PRRC2A: variants seen among roughly 807,000 people sequenced by gnomAD.
PRRC2A encodes protein PRRC2A.
A neutral mutation model predicts 224.6 loss-of-function variants in PRRC2A; 59 were observed. The observed-to-expected ratio is 0.26, with a 90% CI of 0.21 to 0.33. The LOEUF (loss-of-function observed/expected upper bound fraction) is 0.33, where lower values mean the gene tolerates loss of function less well. PRRC2A is among the 10% of genes least tolerant of loss of function. The pLI is 1.00. For missense variants in PRRC2A, 3,095 were observed against 2,880.7 expected, an observed-to-expected ratio of 1.07 and a Z score of -1.70; for synonymous variants, 1,194 against 1,109.5, an observed-to-expected ratio of 1.08 and a Z score of -1.51.
At position 31,630,509 on chromosome 6, in the gene PRRC2A, T is replaced by C; in HGVS notation, c.2255-82T>C. 2.8e-6 allele frequency: 4 copies of C among 1,449,704 alleles called. No individual in the cohort carries two copies. In the South Asian group the frequency reaches 3.7e-5, roughly 13 times the overall value. The allele number at this position is 1,449,704 out of a possible 1,614,324, so 89.8% of individuals were successfully genotyped here. A position where few individuals can be genotyped will look rare whatever the true frequency, so the allele number is the denominator to read the frequency against. ...GGAACAAGAGATGGAAGAGCTGACTTGACCGCGAGGGGAGATGCTTTTTGG... is the reference window on the plus strand; with the variant it reads ...GGAACAAGAGATGGAAGAGCTGACTCGACCGCGAGGGGAGATGCTTTTTGG... On this transcript the variant is annotated intron_variant, in intron 14 of 30. Transcript: ENST00000376033.
chr6:31,635,644 A>G lies in PRRC2A; in HGVS notation c.5436A>G (p.Gln1812=), dbSNP rs752957978. The G allele has an allele frequency of 3.7e-6, 6 of 1,612,670 alleles. No homozygotes were observed. Among genetic ancestry groups the G allele is most frequent in the African/African-American group, 2.7e-5 (2 of 74,888 alleles). The change falls in exon 24 of 31, where the codon CAA becomes CAG. Residue 1812 remains glutamine, a synonymous_variant. Transcript: ENST00000376033. ...GTGCTGCTGCCTCTGCTGAGCCACA[A>G]TCCAAGAACCTGGATTCTGGGCACT... The part of the protein sequence containing the change: ...LPSAAASAEP[Q]SKNLDSGHCV...
At chr6:31,634,122 C>A in intron 18 of PRRC2A, 114 bp from the exon 19 acceptor site, 1 of 1,563,504 alleles carries the variant, frequency 6.4e-7, no homozygotes, top group South Asian at 1.2e-5. Context: ...ATTAGTCTCC[C>A]ATGTGTCTCC....
chr6:31,631,355 G>C lies in PRRC2A; in HGVS notation c.2682G>C (p.Thr894=). ...EPPKEETAQL[T]GPEAGRKPAR... ...CTAAGGAGGAGACTGCACAGCTGAC[G>C]GGGCCAGAAGCAGGCCGAAAGCCTG... The change falls in exon 16 of 31, where the codon ACG becomes ACC. Residue 894 remains threonine, a synonymous_variant. Transcript: ENST00000376033. The surrounding 1 kb of genome is among the most constrained non-coding windows in gnomAD (Gnocchi z 4.5). The C allele has an allele frequency of 6.2e-7, 1 of 1,602,086 alleles. No homozygotes were observed. The highest frequency in any genetic ancestry group is 8.5e-7 in the Non-Finnish European group (1 of 1,175,662).
chr6:31,631,590 G>C lies in PRRC2A; in HGVS notation c.2917G>C (p.Asp973His). The change falls in exon 16 of 31, where the codon GAT becomes CAT. Residue 973 changes from aspartate to histidine, a missense_variant. Asp to His is a moderately conservative substitution (Grantham distance 81). Transcript: ENST00000376033. The surrounding 1 kb of genome is among the most constrained non-coding windows in gnomAD (Gnocchi z 4.5). ...GCCTCCCAAGCCCCTCGAACAGGGG[G>C]ATGAAACCCCCAAACCCCCAAAGCC... is the stretch of plus-strand genomic sequence containing the variant. ...ELPPKPLEQG[D>H]ETPKPPKPDP... 1.3e-6 allele frequency: 2 copies of C among 1,560,472 alleles called. No individual in the cohort carries two copies. Among genetic ancestry groups the C allele is most frequent in the Non-Finnish European group, 1.7e-6 (2 of 1,158,202 alleles).
Position 31,631,567 on chromosome 6 carries a change from C to T in PRRC2A, c.2894C>T (p.Pro965Leu), listed in dbSNP as rs886360628. ...PPPPTKVEEL[P>L]PKPLEQGDET... ...CCACCTACAAAAGTAGAAGAGCTGC[C>T]TCCCAAGCCCCTCGAACAGGGGGAT... is the stretch of plus-strand genomic sequence containing the variant. Residue 965 changes from proline (P) to leucine (L), a missense_variant, in exon 16 of 31, where the codon CCT (proline) becomes CTT (leucine). Pro to Leu is a moderately conservative substitution (Grantham distance 98, BLOSUM62 -3). This residue lies in a region of PRRC2A where 2,001 missense variants were observed against 1,764.9 expected (regional missense o/e 1.13). Transcript: ENST00000376033. The surrounding 1 kb of genome is among the most constrained non-coding windows in gnomAD (Gnocchi z 4.5). 3.8e-6 allele frequency: 6 copies of T among 1,586,876 alleles called. No homozygotes were observed. Among genetic ancestry groups the T allele is most frequent in the Non-Finnish European group, 3.4e-6 (4 of 1,170,406 alleles).
In PRRC2A at chr6:31,620,812, CG is replaced by C; in HGVS notation, c.-143del. On this transcript the variant is annotated 5_prime_UTR_variant, in exon 1 of 31. Coordinates refer to ENST00000376033, the MANE Select transcript of PRRC2A (RefSeq NM_004638.4). ...CCCCCGCCCCACCGCCATCCCGTCC[CG>C]GGGAGCCCCTAGGCCCGGGTCCCGG... 6.5e-6 allele frequency: 1 copy of C among 153,236 alleles called. No homozygotes were observed. Among genetic ancestry groups the C allele is most frequent in the Non-Finnish European group, 1.5e-5 (1 of 68,156 alleles). The allele number at this position is 153,236 out of a possible 1,614,324, so 9.5% of individuals were successfully genotyped here.
In PRRC2A at chr6:31,627,377, A is replaced by G. The variant is rs1241474231; in HGVS notation, c.1290+179A>G. On this transcript the variant is annotated intron_variant, in intron 11 of 30. Coordinates refer to ENST00000376033, the MANE Select transcript of PRRC2A (RefSeq NM_004638.4). The surrounding 1 kb of genome is among the most constrained non-coding windows in gnomAD (Gnocchi z 5.6). The stretch of plus-strand genomic sequence containing the variant: ...TCTTTGGTAATAGGGGAGTCTGGGT[A>G]AGAAGTGAGAAACTGGGATGCTAAT... 6.6e-6 allele frequency among the ~76,000 whole-genome samples: 1 copy of G among 152,214 alleles called. No individual in the cohort carries two copies. The highest frequency in any genetic ancestry group is 1.5e-5 in the Non-Finnish European group (1 of 68,034).
chr6:31,630,000 C>A (rs947754747), intron 14 of PRRC2A, among the ~76,000 whole-genome samples, 155 bp downstream of exon 14: 1 of 152,094 alleles, frequency 6.6e-6, no homozygotes, highest in Non-Finnish European at 1.5e-5. Context: ...AGCTCTGTTG[C>A]AAAAATGGGC....
Position 31,626,101 on chromosome 6 carries a change from C to T in PRRC2A, c.921C>T (p.Leu307=), listed in dbSNP as rs754656463. Residue 307 remains leucine (L), a synonymous_variant, in exon 9 of 31, where the codon CTC becomes CTT. Coordinates refer to ENST00000376033, the MANE Select transcript of PRRC2A (RefSeq NM_004638.4). ...AGCCTGTGGGTCGTCCCTCTATTCT[C>T]AAAGAGGATAATCTCAAAGAGTTTG... The part of the protein sequence containing the change: ...LVEPVGRPSI[L]KEDNLKEFDQ... 6.2e-7 allele frequency: 1 copy of T among 1,612,650 alleles called. No individual in the cohort carries two copies.
chr6:31,633,410 C>A lies in PRRC2A; in HGVS notation c.4351C>A (p.Pro1451Thr). 2 of 1,613,012 alleles carry A rather than the reference C, an allele frequency of 1.2e-6. No homozygotes were observed. The highest frequency in any genetic ancestry group is 1.6e-4 in the Middle Eastern group (1 of 6,062). ...RPPEERPPGL[P>T]LPPPPPSSSA... ...TCCAGAGGAGCGTCCCCCGGGGCTT[C>A]CCCTGCCTCCCCCACCTCCCAGCAG... is the stretch of plus-strand genomic sequence containing the variant. The change falls in exon 17 of 31, where the codon CCC (proline) becomes ACC (threonine). Residue 1451 changes from proline to threonine, a missense_variant. Around this residue, in one of 8 missense-constraint regions of PRRC2A, gnomAD observed 2,001 missense variants for 1,764.9 expected, o/e 1.13. Coordinates refer to ENST00000376033, the MANE Select transcript of PRRC2A (RefSeq NM_004638.4).
At position 31,625,899 on chromosome 6, in the gene PRRC2A, C is replaced by G. The variant is rs745494449; in HGVS notation, c.839+28C>G. ...GAGCAATCCAGGTCTGGGTTTGTGG[C>G]TGGGGGCAGGGGAAGCTTATTGGGG... is the stretch of plus-strand genomic sequence containing the variant. On this transcript the variant is annotated intron_variant, in intron 8 of 30. Transcript: ENST00000376033. The surrounding 1 kb of genome is among the most constrained non-coding windows in gnomAD (Gnocchi z 4.1). 3 of 1,582,020 alleles carry G rather than the reference C, an allele frequency of 1.9e-6. No individual in the cohort carries two copies. The highest frequency in any genetic ancestry group is 2.6e-6 in the Non-Finnish European group (3 of 1,153,352).
At position 31,633,966 on chromosome 6, in the gene PRRC2A, A is replaced by G. The variant is rs749990735; in HGVS notation, c.4696A>G (p.Arg1566Gly). ...FPPKRRERPP[R>G]KPELLQEESL... ...CCCTAAACGTCGGGAGCGGCCTCCC[A>G]GAAAACCAGAGCTGCTACAGGAGGT... The change falls in exon 18 of 31, where the codon AGA (arginine) becomes GGA (glycine). Residue 1566 changes from arginine (R) to glycine (G), a missense_variant. Physicochemically the swap from Arg to Gly is moderately radical, Grantham distance 125 (BLOSUM62 -2). Coordinates refer to ENST00000376033, the MANE Select transcript of PRRC2A (RefSeq NM_004638.4). 21 of 1,603,948 alleles carry G rather than the reference A, an allele frequency of 1.3e-5. No individual in the cohort carries two copies. Among genetic ancestry groups the G allele is most frequent in the South Asian group, 2.2e-5 (2 of 89,646 alleles).
Position 31,637,251 on chromosome 6 carries a change from A to G in PRRC2A, c.6260A>G (p.Asn2087Ser). ...TCCCTTAGGTCCTTCTCTGGCCTCAATTCCCGTCTCAAGGCCACGCCTTCC... is the reference window on the plus strand; with the variant it reads ...TCCCTTAGGTCCTTCTCTGGCCTCAGTTCCCGTCTCAAGGCCACGCCTTCC... ...PPTGRSFSGL[N>S]SRLKATPSTY... Residue 2087 changes from asparagine to serine, a missense_variant, in exon 30 of 31, where the codon AAT becomes AGT. By Grantham distance (46) the Asn-to-Ser change is conservative. Coordinates refer to ENST00000376033, the MANE Select transcript of PRRC2A (RefSeq NM_004638.4). 6.2e-7 allele frequency: 1 copy of G among 1,612,112 alleles called. No homozygotes were observed. The highest frequency in any genetic ancestry group is 8.5e-7 in the Non-Finnish European group (1 of 1,179,232).
chr6:31,629,474 A>G (rs571565822), intron 13 of PRRC2A, 74 bp from the exon 14 acceptor site: 23 of 1,426,956 alleles, frequency 1.6e-5, no homozygotes, highest in South Asian at 1.5e-4. Flanking sequence ...CCCTAGTCCA[A>G]GTTTTTTCTT....
In PRRC2A at chr6:31,636,070, A is replaced by G; in HGVS notation, c.5624+21A>G. The G allele has an allele frequency of 1.9e-6, 3 of 1,594,446 alleles. No homozygotes were observed. In the South Asian group the frequency reaches 3.3e-5, roughly 18 times the overall value. On this transcript the variant is annotated intron_variant, in intron 25 of 30. Coordinates refer to ENST00000376033, the MANE Select transcript of PRRC2A (RefSeq NM_004638.4). This position sits in a 1 kb window ranked among gnomAD's most constrained non-coding sequence, Gnocchi z 4.3. ...TACAGGTAAGACTCGATGCCTGTGG[A>G]TCACAGAAGTACTTGGAGATGTGTT...
At position 31,629,857 on chromosome 6, in the gene PRRC2A, T is replaced by C. The variant is rs746304996; in HGVS notation, c.2254+12T>C. On this transcript the variant is annotated intron_variant, in intron 14 of 30. Coordinates refer to ENST00000376033, the MANE Select transcript of PRRC2A (RefSeq NM_004638.4). ...TGTGCATCCCTCTGGTAAGGGGGCA[T>C]GGGAGGAGTGAGAAACAGGAAAGTC... The C allele has an allele frequency of 1.3e-5, 21 of 1,613,078 alleles. No individual in the cohort carries two copies. The highest frequency in any genetic ancestry group is 1.5e-5 in the Non-Finnish European group (18 of 1,179,696).
In PRRC2A at chr6:31,636,233, C is replaced by G. The variant is rs13716; in HGVS notation, c.5649C>G (p.Pro1883=). The G allele has an allele frequency of 0.29, 473,141 of 1,612,106 alleles. 74,226 individuals are homozygous for G. Among genetic ancestry groups the G allele is most frequent in the East Asian group, 0.41 (18,493 of 44,870 alleles). The stretch of plus-strand genomic sequence containing the variant: ...GATCACAGCCCCTATACCTACCCCC[C>G]GGCCCAGCCCCTCCCTCAGCACTGC... ...PYRSQPLYLP[P]GPAPPSALLS... The change falls in exon 26 of 31, where the codon CCC becomes CCG. Residue 1883 remains proline (P), a synonymous_variant. Transcript: ENST00000376033. This position sits in a 1 kb window ranked among gnomAD's most constrained non-coding sequence, Gnocchi z 4.3.
At position 31,628,901 on chromosome 6, in the gene PRRC2A, C is replaced by T. The variant is rs1776218627; in HGVS notation, c.1766-243C>T. On this transcript the variant is annotated intron_variant, in intron 12 of 30. Coordinates refer to ENST00000376033, the MANE Select transcript of PRRC2A (RefSeq NM_004638.4). ...AAAAATGAAAACTATTTCCTATAGGCCAAGACTGAAGAAAGTACTGTTGTT... is the reference window on the plus strand; with the variant it reads ...AAAAATGAAAACTATTTCCTATAGGTCAAGACTGAAGAAAGTACTGTTGTT... 9.6e-6 allele frequency: 5 copies of T among 520,706 alleles called. No individual in the cohort carries two copies. The South Asian group carries it at 1.1e-4, about 11-fold the overall frequency. The allele number at this position is 520,706 out of a possible 1,614,324, so 32.3% of individuals were successfully genotyped here. A position where few individuals can be genotyped will look rare whatever the true frequency, so the allele number is the denominator to read the frequency against.
At chr6:31,634,098 C>T (rs970492982) in intron 18 of PRRC2A, 109 bp downstream of exon 18, 8 of 1,572,052 alleles carry the variant, frequency 5.1e-6, no homozygotes, top group East Asian at 4.5e-5. Flanking sequence ...TGTTTTTACT[C>T]CAGAATTCTC....
Sources: allele counts gnomAD v4.1 joint callset (sites outside exome capture counted in the v4.1 genomes callset), GRCh38; gene constraint gnomAD v4.1.1; regional missense constraint gnomAD v4.1.1; non-coding constraint Gnocchi (gnomAD v3.1); transcripts MANE v1.5; gene names NCBI Gene and HGNC (gene_info 2026-07-23, HGNC 2026-07-21).